TCF12: variants seen among roughly 807,000 people sequenced by gnomAD.
TCF12 encodes transcription factor 12.
TCF12 carries 45 observed loss-of-function variants against 86.0 expected under a neutral mutation model. The observed-to-expected ratio is 0.52, with a 90% CI of 0.41 to 0.67. The LOEUF is 0.67. Among genes scored for constraint, TCF12 ranks in the 30% least tolerant of loss-of-function variants. The pLI, the probability that TCF12 is intolerant of heterozygous loss-of-function variation, is 0.00. For synonymous variants in TCF12, 330 were observed against 299.6 expected (o/e 1.10, Z -1.05); for missense variants, 881 against 859.9 (o/e 1.02, Z -0.31).
At chr15:56,997,676 A>C (rs2063787210) in intron 3 of TCF12, among the ~76,000 whole-genome samples, 1 of 152,230 alleles carries the variant, frequency 6.6e-6, no homozygotes, top group African/African-American at 2.4e-5. Flanking sequence ...GGAAACAGGG[A>C]TTAATGAGAA....
At chr15:57,102,138 G>A (rs1422226057) in intron 5 of TCF12, among the ~76,000 whole-genome samples, 1 of 150,144 alleles carries the variant, frequency 6.7e-6, no homozygotes, top group Non-Finnish European at 1.5e-5. Flanking sequence ...CTACTTACAT[G>A]GTTAAATAGC....
At chr15:56,991,583 C>G (rs548963518) in intron 3 of TCF12, among the ~76,000 whole-genome samples, 1 of 152,196 alleles carries the variant, frequency 6.6e-6, no homozygotes, top group East Asian at 1.9e-4. Flanking sequence ...GGAAAATGTC[C>G]TTTTTAGTCT....
intron 4 of TCF12, among the ~76,000 whole-genome samples, chr15:57,068,947 T>A (rs1323889566): frequency 6.6e-6 from 1 of 152,204 alleles, no homozygotes; most frequent in Non-Finnish European, 1.5e-5. Flanking sequence ...ATATTGTTAT[T>A]TATAATAATT....
In TCF12 at chr15:56,930,228, G is replaced by A. The variant is rs560830222; in HGVS notation, c.148+9130G>A. Among the ~76,000 whole-genome samples the A allele has an allele frequency of 5.3e-5, 8 of 152,342 alleles. No individual in the cohort carries two copies. In the East Asian group the frequency reaches 1.5e-3, roughly 29 times the overall value. ...GTCATCCAGCTTCTTGGTCCCAGAG[G>A]CATATGTTGTTGTTTTGAGGTGGTT... On this transcript the variant is annotated intron_variant, in intron 3 of 20. Coordinates refer to ENST00000333725, the MANE Select transcript of TCF12 (RefSeq NM_207037.2).
intron 5 of TCF12, among the ~76,000 whole-genome samples, chr15:57,110,727 T>C (rs1456012630): frequency 2.0e-5 from 3 of 150,940 alleles, no homozygotes; most frequent in Non-Finnish European, 2.9e-5. Flanking sequence ...AATGGATACA[T>C]TGGGTGTTGA....
chr15:57,147,131 A>G (rs972177966), intron 5 of TCF12, among the ~76,000 whole-genome samples: 2 of 152,242 alleles, frequency 1.3e-5, no homozygotes, highest in African/African-American at 4.8e-5. Flanking sequence ...AGTTCCTTAA[A>G]TAGATATTGG....
In TCF12 at chr15:56,935,878, GTTTC is replaced by G. The variant is rs564461786; in HGVS notation, c.148+14784_148+14787del. Among the ~76,000 whole-genome samples, 8 of 152,124 alleles carry G rather than the reference GTTTC, an allele frequency of 5.3e-5. No homozygotes were observed. In the South Asian group the frequency reaches 1.7e-3, roughly 32 times the overall value. On this transcript the variant is annotated intron_variant, in intron 3 of 20. Coordinates refer to ENST00000333725, the MANE Select transcript of TCF12 (RefSeq NM_207037.2). ...AGATTCTATCATGTATATATATACAGTTTCTTTATCCACTAGTTGATAGATGAGC... is the reference window on the plus strand; with the variant it reads ...AGATTCTATCATGTATATATATACAGTTTATCCACTAGTTGATAGATGAGC...
At chr15:57,012,884 A>C (rs150331485) in intron 3 of TCF12, among the ~76,000 whole-genome samples, 10 of 152,284 alleles carry the variant, frequency 6.6e-5, no homozygotes, top group African/African-American at 2.4e-4. Flanking sequence ...AGTTTCCCTT[A>C]TGCTTCAGGG....
chr15:57,197,860 C>G (rs370685942), intron 8 of TCF12, 35 bp downstream of exon 8: 3 of 1,604,576 alleles, frequency 1.9e-6, no homozygotes, highest in Non-Finnish European at 2.6e-6. Flanking sequence ...TGATGGTAAA[C>G]AAACTGATTT....
intron 8 of TCF12, among the ~76,000 whole-genome samples, chr15:57,205,783 A>G (rs2057781214): frequency 6.6e-6 from 1 of 152,246 alleles, no homozygotes; most frequent in East Asian, 1.9e-4. Context: ...GTCAGAATTA[A>G]TAGCCTTTAA....
intron 5 of TCF12, among the ~76,000 whole-genome samples, chr15:57,105,432 A>G (rs2050074478): frequency 6.6e-6 from 1 of 151,976 alleles, no homozygotes; most frequent in African/African-American, 2.4e-5. Context: ...GTTTTTTTAG[A>G]CGGAGTCTCA....
chr15:57,073,238 T>C (rs2069573655), intron 4 of TCF12, among the ~76,000 whole-genome samples: 1 of 152,228 alleles, frequency 6.6e-6, no homozygotes, highest in Non-Finnish European at 1.5e-5. Context: ...TTTTTTAATC[T>C]TCTAACTGTT....
At chr15:57,144,185 G>T (rs934928831) in intron 5 of TCF12, among the ~76,000 whole-genome samples, 1 of 152,182 alleles carries the variant, frequency 6.6e-6, no homozygotes, top group Non-Finnish European at 1.5e-5. Flanking sequence ...AGGGGTATCA[G>T]TTGGGAGCCA....
downstream of TCF12, among the ~76,000 whole-genome samples, chr15:57,290,418 T>C (rs2062059611): frequency 6.6e-6 from 1 of 151,798 alleles, no homozygotes; most frequent in African/African-American, 2.4e-5. Context: ...CTGTATCAGT[T>C]TGGGTTCTTA....
intron 5 of TCF12, among the ~76,000 whole-genome samples, chr15:57,094,133 C>T (rs1200474833): frequency 6.6e-6 from 1 of 152,190 alleles, no homozygotes; most frequent in African/African-American, 2.4e-5. Context: ...AGTGATCCTT[C>T]TGCCCCAGCC....
In TCF12 at chr15:57,200,045, CTT is replaced by C. The variant is rs11380359; in HGVS notation, c.579+2235_579+2236del. Among the ~76,000 whole-genome samples, 79 of 130,136 alleles carry C rather than the reference CTT, an allele frequency of 6.1e-4. 1 individual carries two copies. In the East Asian group the frequency reaches 0.016, roughly 26 times the overall value. 85.4% of individuals were successfully genotyped at this position (130,136 alleles called of 152,430 possible). ...TACAGGGACAGGCCACCACGGCTGG[CTT>C]TTTTTTTTTTTTTTGTAGAGACGAG... On this transcript the variant is annotated intron_variant, in intron 8 of 20. Transcript: ENST00000333725.
intron 4 of TCF12, among the ~76,000 whole-genome samples, chr15:57,090,469 G>A (rs752069253): frequency 2.0e-5 from 3 of 152,198 alleles, no homozygotes; most frequent in Admixed American, 6.5e-5. Flanking sequence ...TTGGGAGTTA[G>A]CACTCCAGAA....
intron 8 of TCF12, among the ~76,000 whole-genome samples, chr15:57,205,842 G>C (rs1245069570): frequency 6.6e-6 from 1 of 152,178 alleles, no homozygotes; most frequent in Non-Finnish European, 1.5e-5. Context: ...TAATGTCTTT[G>C]ATGTAATTTC....
intron 3 of TCF12, among the ~76,000 whole-genome samples, chr15:57,034,043 G>A (rs1366271902): frequency 6.6e-6 from 1 of 152,132 alleles, no homozygotes; most frequent in Non-Finnish European, 1.5e-5. Context: ...TTGTTAGTGA[G>A]CTACTTTAAA....
Sources: gnomAD v4.1 joint callset for allele counts (sites outside exome capture counted in the v4.1 genomes callset) on GRCh38, gnomAD v4.1.1 for gene constraint, MANE v1.5 for transcripts, NCBI Gene and HGNC (gene_info 2026-07-23, HGNC 2026-07-21) for gene names.